Variants in DGKH observed in about 807,000 individuals in gnomAD.
DGKH encodes the protein DAG kinase eta.
In DGKH, 90 loss-of-function variants were observed where a neutral mutation model predicts 159.3. The ratio of observed to expected loss-of-function variants is 0.57; its 90% CI spans 0.48 to 0.67. The LOEUF (loss-of-function observed/expected upper bound fraction) is 0.67, where lower values mean the gene tolerates loss of function less well. Ranked by LOEUF, DGKH falls within the 30% of genes least tolerant of loss-of-function variation. The probability of loss-of-function intolerance (pLI) is 0.00; values close to 1 mark genes in which losing one functional copy is unlikely to be tolerated. For missense variants in DGKH, 1,181 were observed against 1,506.1 expected, an observed-to-expected ratio of 0.78 and a Z score of 3.57; for synonymous variants, 536 against 553.8, an observed-to-expected ratio of 0.97 and a Z score of 0.45.
intron 20 of DGKH, among the ~76,000 whole-genome samples, chr13:42,203,942 A>T (rs911053088): frequency 6.6e-5 from 10 of 152,330 alleles, no homozygotes; most frequent in Admixed American, 2.6e-4. Flanking sequence ...CTTTTAAATC[A>T]TGTGAATTTG....
Position 42,159,272 on chromosome 13 carries a change from A to G in DGKH, c.629A>G (p.Lys210Arg). 4.9e-6 allele frequency: 1 copy of G among 205,808 alleles called. No homozygotes were observed. The highest frequency in any genetic ancestry group is 5.0e-5 in the South Asian group (1 of 19,872). The allele number at this position is 205,808 out of a possible 1,614,324, so 12.7% of individuals were successfully genotyped here. ...TTTTTTTTTTTTTTTTTAGTGTGTA[A>G]ATTCAAGGCTCACAAAAGATGTGCA... is the stretch of plus-strand genomic sequence containing the variant. ...TSHGLSCEVCKFKAHKRCAVR... is the reference protein window; with the variant it reads ...TSHGLSCEVCRFKAHKRCAVR... The change falls in exon 6 of 30, where the codon AAA becomes AGA. Residue 210 changes from lysine to arginine, a missense_variant. Physicochemically the swap from Lys to Arg is conservative, Grantham distance 26. This residue lies in a region of DGKH where 369 missense variants were observed against 519.4 expected (regional missense o/e 0.71). Coordinates refer to ENST00000337343, the MANE Select transcript of DGKH (RefSeq NM_178009.5).
At position 42,235,892 on chromosome 13, in the gene DGKH, A is replaced by G; in HGVS notation, c.*6704A>G. ...ATGTTAAAATGTCTATTTATACAAC[A>G]GGTTTCTCCTTTTGCTGTTATTTTC... On this transcript the variant is annotated 3_prime_UTR_variant, in exon 30 of 30. Transcript: ENST00000337343. 6.6e-6 allele frequency: 1 copy of G among 152,198 alleles called. No individual in the cohort carries two copies. The highest frequency in any genetic ancestry group is 1.5e-5 in the Non-Finnish European group (1 of 68,020). 9.4% of individuals were successfully genotyped at this position (152,198 alleles called of 1,614,324 possible). A position where few individuals can be genotyped will look rare whatever the true frequency, so the allele number is the denominator to read the frequency against.
chr13:42,104,317 A>G (rs748716648), intron 1 of DGKH, among the ~76,000 whole-genome samples: 3 of 152,170 alleles, frequency 2.0e-5, no homozygotes, highest in Non-Finnish European at 4.4e-5. Context: ...CTGGGTCACC[A>G]CTTCCAGGTT....
intron 1 of DGKH, among the ~76,000 whole-genome samples, chr13:42,104,949 T>G (rs1027276186): frequency 6.6e-6 from 1 of 152,186 alleles, no homozygotes; most frequent in Non-Finnish European, 1.5e-5. Flanking sequence ...CCAAAATGCT[T>G]TTTATAAAAT....
rs945369666 is a variant in DGKH, at chr13:42,225,152, G to A, written c.3573+3758G>A. ...TGTCCAGGCTGGTCTTGAACTCCTG[G>A]CCTCAAGAGATCGGCCTGCCTTGGC... On this transcript the variant is annotated intron_variant, in intron 29 of 29. Transcript: ENST00000337343. 1.4e-5 allele frequency: 10 copies of A among 736,230 alleles called. No individual in the cohort carries two copies. The African/African-American group carries it at 1.8e-4, about 14-fold the overall frequency. The allele number at this position is 736,230 out of a possible 1,614,324, so 45.6% of individuals were successfully genotyped here. A position where few individuals can be genotyped will look rare whatever the true frequency, so the allele number is the denominator to read the frequency against.
At chr13:42,195,239 A>C (rs1957177232) in intron 17 of DGKH, among the ~76,000 whole-genome samples, 1 of 152,112 alleles carries the variant, frequency 6.6e-6, no homozygotes, top group Middle Eastern at 3.2e-3. Context: ...AGTGGCTCAC[A>C]CCTGTAATCG....
At chr13:42,202,277 G>C (rs1251824803) in intron 20 of DGKH, among the ~76,000 whole-genome samples, 1 of 152,128 alleles carries the variant, frequency 6.6e-6, no homozygotes, top group African/African-American at 2.4e-5. Context: ...AAAGACGATG[G>C]AAGGCCGTTG....
chr13:42,069,508 G>A lies in DGKH; in HGVS notation c.192+20543G>A, dbSNP rs370534017. ...AAATTGAATAGTTCCTGCAATAAAG[G>A]AATGAAAATCAAATCCCTGATTCTT... On this transcript the variant is annotated intron_variant, in intron 1 of 29. Transcript: ENST00000337343. The A allele has an allele frequency of 4.4e-5, 70 of 1,583,110 alleles. No homozygotes were observed. In the East Asian group the frequency reaches 9.2e-4, roughly 21 times the overall value.
At chr13:42,067,161 T>C (rs1206608263) in intron 1 of DGKH, among the ~76,000 whole-genome samples, 1 of 152,176 alleles carries the variant, frequency 6.6e-6, no homozygotes, top group Non-Finnish European at 1.5e-5. Flanking sequence ...CAATATCTGT[T>C]AATCTAGAGT....
chr13:42,133,394 A>G (rs1206308320), intron 3 of DGKH, among the ~76,000 whole-genome samples: 1 of 152,082 alleles, frequency 6.6e-6, no homozygotes, highest in Non-Finnish European at 1.5e-5. Flanking sequence ...AGTTTACTGG[A>G]CTAGAAATAT....
At chr13:42,205,968 G>A (rs75405930) in intron 20 of DGKH, 71 bp from the exon 21 acceptor site, 48,316 of 917,620 alleles carry the variant, frequency 0.053, 1,509 homozygotes, top group Non-Finnish European at 0.062. Flanking sequence ...TAGTGTTTTA[G>A]TATCTTCCAT....
chr13:42,152,356 T>C (rs1200098447), intron 3 of DGKH, among the ~76,000 whole-genome samples: 1 of 151,938 alleles, frequency 6.6e-6, no homozygotes, highest in Non-Finnish European at 1.5e-5. Context: ...GAAATGGTGG[T>C]GAAATTGAAT....
chr13:42,046,484 A>G (rs1200734667), upstream of DGKH, among the ~76,000 whole-genome samples: 1 of 152,244 alleles, frequency 6.6e-6, no homozygotes, highest in Non-Finnish European at 1.5e-5. Flanking sequence ...AGGTGATTGC[A>G]GAAGTGCAAA....
intron 1 of DGKH, among the ~76,000 whole-genome samples, chr13:42,064,158 T>A (rs1882392924): frequency 6.6e-6 from 1 of 151,980 alleles, no homozygotes; most frequent in Admixed American, 6.6e-5. Context: ...GGGGCAGAGG[T>A]TGGCACTTCT....
intron 20 of DGKH, among the ~76,000 whole-genome samples, chr13:42,201,408 A>G (rs1286022674): frequency 6.6e-6 from 1 of 152,136 alleles, no homozygotes; most frequent in Non-Finnish European, 1.5e-5. Flanking sequence ...CTTTAGCACA[A>G]TTTATTAAGT....
intron 11 of DGKH, among the ~76,000 whole-genome samples, chr13:42,169,339 T>C (rs1956389967): frequency 6.6e-6 from 1 of 152,190 alleles, no homozygotes; most frequent in African/African-American, 2.4e-5. Flanking sequence ...CAGGAAAATA[T>C]TAGGAAGACA....
intron 20 of DGKH, among the ~76,000 whole-genome samples, chr13:42,202,371 A>G (rs1473713575): frequency 1.3e-5 from 2 of 152,194 alleles, no homozygotes; most frequent in Non-Finnish European, 2.9e-5. Flanking sequence ...CTCTTTCCAG[A>G]GAGACGCCTT....
intron 1 of DGKH, among the ~76,000 whole-genome samples, chr13:42,050,981 G>A (rs1881242054): frequency 6.6e-6 from 1 of 152,234 alleles, no homozygotes; most frequent in African/African-American, 2.4e-5. Flanking sequence ...AAAACTGAGA[G>A]ATGGCTCTAA....
chr13:42,069,218 T>TAGTG (rs1482423858), intron 1 of DGKH: 1 of 1,193,670 alleles, frequency 8.4e-7, no homozygotes, highest in African/African-American at 1.5e-5. Context: ...TCTAAGTAAC[T>TAGTG]AGTGTGTTTT....
Sources: gnomAD v4.1 joint callset for allele counts (sites outside exome capture counted in the v4.1 genomes callset) on GRCh38, gnomAD v4.1.1 for gene constraint, gnomAD v4.1.1 regional missense constraint, MANE v1.5 for transcripts, NCBI Gene and HGNC (gene_info 2026-07-23, HGNC 2026-07-21) for gene names.